CHD4: variants seen among roughly 807,000 people sequenced by gnomAD.
CHD4 encodes chromodomain helicase DNA binding protein 4.
Under a neutral mutation model 235.5 loss-of-function variants are expected in CHD4, and 35 were observed. The ratio of observed to expected loss-of-function variants is 0.15; its 90% CI spans 0.11 to 0.20. CHD4 has a LOEUF of 0.20. Among genes scored for constraint, CHD4 ranks in the 10% least tolerant of loss-of-function variants. The probability of loss-of-function intolerance (pLI) is 1.00; values close to 1 mark genes in which losing one functional copy is unlikely to be tolerated. For missense variants in CHD4, 1,329 were observed against 2,432.3 expected, an observed-to-expected ratio of 0.55 and a Z score of 9.54; for synonymous variants, 900 against 850.2, an observed-to-expected ratio of 1.06 and a Z score of -1.02.
intron 22 of CHD4, among the ~76,000 whole-genome samples, chr12:6,588,855 G>T (rs1235907809): frequency 1.3e-5 from 2 of 152,142 alleles, no homozygotes; most frequent in Non-Finnish European, 2.9e-5. Context: ...TGAGGCAGGA[G>T]AATCACTTGA....
intron 38 of CHD4, among the ~76,000 whole-genome samples, chr12:6,572,137 AG>A (rs1427881945): frequency 6.7e-6 from 1 of 149,000 alleles, no homozygotes; most frequent in Non-Finnish European, 1.5e-5. Context: ...CAAAAAAAAA[AG>A]GTGGCCAGGG....
chr12:6,602,181 G>C lies in CHD4; in HGVS notation c.223-6C>G. The C allele has an allele frequency of 6.2e-7, 1 of 1,613,840 alleles. No individual in the cohort carries two copies. Reference sequence around the variant, plus strand: ...TGCCGGCATAAGAGCATACGCTGGAGCAGGGCAAGGGGGGAAGAGGGAGAC... The same window carrying C: ...TGCCGGCATAAGAGCATACGCTGGACCAGGGCAAGGGGGGAAGAGGGAGAC... On this transcript the variant is annotated splice_polypyrimidine_tract_variant and splice_region_variant and intron_variant, in intron 3 of 39. Transcript: ENST00000544040.
intron 25 of CHD4, among the ~76,000 whole-genome samples, chr12:6,585,605 T>C (rs1313587916): frequency 6.7e-6 from 1 of 149,610 alleles, no homozygotes; most frequent in East Asian, 2.1e-4. Context: ...TAAAAAAACA[T>C]GGTGAAACCC....
chr12:6,587,618 AG>A (rs1948323043), intron 24 of CHD4, 59 bp from the exon 25 acceptor site: 2 of 1,608,550 alleles, frequency 1.2e-6, no homozygotes, highest in Non-Finnish European at 1.7e-6. Flanking sequence ...CAGTGGAAAA[AG>A]CAAGTCCCAC....
At chr12:6,578,724 A>G (rs2136197266) in intron 34 of CHD4, 122 bp downstream of exon 34, 1 of 1,346,148 alleles carries the variant, frequency 7.4e-7, no homozygotes, top group South Asian at 1.2e-5. Context: ...GGGGACAGGT[A>G]CAGTCTTTTA....
rs755253497 is a variant in CHD4, at chr12:6,597,959, C to T, written c.1827G>A (p.Glu609=). 8.7e-6 allele frequency: 14 copies of T among 1,614,086 alleles called. No homozygotes were observed. In the African/African-American group the frequency reaches 1.7e-4, roughly 20 times the overall value. The change falls in exon 12 of 40, where the codon GAG becomes GAA. Residue 609 remains glutamate (E), a synonymous_variant. Coordinates refer to ENST00000544040, the MANE Select transcript of CHD4 (RefSeq NM_001273.5). The part of the protein sequence containing the change: ...KNKDPKFAEM[E]ERFYRYGIKP... ...TTATCCCATAGCGATAGAAGCGTTC[C>T]TCCATCTCTGCAAATTTAGGGTCCT... is the stretch of plus-strand genomic sequence containing the variant.
intron 2 of CHD4, 45 bp downstream of exon 2, chr12:6,606,229 C>A: frequency 7.5e-7 from 1 of 1,326,274 alleles, no homozygotes; most frequent in Non-Finnish European, 1.1e-6. Context: ...TCGGGAGAGC[C>A]CCAGATGTCT....
Position 6,582,189 on chromosome 12 carries a change from G to A in CHD4, c.4463C>T (p.Ser1488Phe). The change falls in exon 30 of 40, where the codon TCT becomes TTT. Residue 1488 changes from serine (S) to phenylalanine (F), a missense_variant. By Grantham distance (155) the Ser-to-Phe change is radical. Transcript: ENST00000544040. Reference protein sequence around the residue: ...FADGVPREGLSRQHVLTRIGV... With the variant: ...FADGVPREGLFRQHVLTRIGV... ...AATTCTAGTAAGGACATGCTGGCGA[G>A]ACAGGCCTTCTCGGGGGACACCATC... is the stretch of plus-strand genomic sequence containing the variant. The A allele has an allele frequency of 6.2e-7, 1 of 1,602,824 alleles. No individual in the cohort carries two copies. The highest frequency in any genetic ancestry group is 8.5e-7 in the Non-Finnish European group (1 of 1,175,528).
intron 37 of CHD4, among the ~76,000 whole-genome samples, chr12:6,575,362 C>T (rs571012408): frequency 6.7e-6 from 1 of 148,916 alleles, no homozygotes. Flanking sequence ...GCAGGAGAAT[C>T]GGTTGAAGCC....
chr12:6,578,592 G>A lies in CHD4; in HGVS notation c.4982-46C>T, dbSNP rs549979787. 7.8e-5 allele frequency: 126 copies of A among 1,605,866 alleles called. No individual in the cohort carries two copies. The South Asian group carries it at 1.2e-3, about 15-fold the overall frequency. ...AAATGTCAGCTCCAGCCAAAGCCCAGCACCATCGCCCTTACCCAGAACACT... is the reference window on the plus strand; with the variant it reads ...AAATGTCAGCTCCAGCCAAAGCCCAACACCATCGCCCTTACCCAGAACACT... On this transcript the variant is annotated intron_variant, in intron 34 of 39. Transcript: ENST00000544040.
In CHD4 at chr12:6,574,678, G is replaced by A. The variant is rs183446903; in HGVS notation, c.5362-1409C>T. ...GTGTATGGTGATGGGGGTCGGTAGT[G>A]GGAGGGGTGCTGATTTGTGAGAAAT... On this transcript the variant is annotated intron_variant, in intron 37 of 39. Transcript: ENST00000544040. 3.0e-4 allele frequency among the ~76,000 whole-genome samples: 45 copies of A among 152,268 alleles called. No homozygotes were observed. In the Middle Eastern group the frequency reaches 0.014, roughly 46 times the overall value.
intron 2 of CHD4, 62 bp from the exon 3 acceptor site, chr12:6,602,559 T>C: frequency 6.3e-7 from 1 of 1,587,312 alleles, no homozygotes; most frequent in Non-Finnish European, 8.6e-7. Context: ...GGTTAGGCCC[T>C]AATCCAGAGG....
rs1191100400 is a variant in CHD4, at chr12:6,600,997, G to C, written c.856C>G (p.Pro286Ala). 6.2e-7 allele frequency: 1 copy of C among 1,607,664 alleles called. No homozygotes were observed. The highest frequency in any genetic ancestry group is 2.2e-5 in the East Asian group (1 of 44,830). ...GSPRVPDAKKPKPKKVAPLKI... is the reference protein window; with the variant it reads ...GSPRVPDAKKAKPKKVAPLKI... ...AGGGGAGCTACTTTCTTGGGTTTAG[G>C]CTTCTTGGCATCAGGTACACGAGGG... The change falls in exon 7 of 40, where the codon CCT (proline) becomes GCT (alanine). Residue 286 changes from proline to alanine, a missense_variant. By Grantham distance (27) the Pro-to-Ala change is conservative (BLOSUM62 -1). Around this residue, in one of 26 missense-constraint regions of CHD4, gnomAD observed 160 missense variants for 196.6 expected, o/e 0.81. Transcript: ENST00000544040.
chr12:6,575,426 G>A (rs1195841134), intron 37 of CHD4, among the ~76,000 whole-genome samples: 1 of 149,982 alleles, frequency 6.7e-6, no homozygotes, highest in African/African-American at 2.5e-5. Context: ...CTCCAGCCTG[G>A]GCAACTGAGT....
intron 18 of CHD4, 64 bp from the exon 19 acceptor site, chr12:6,592,630 G>C (rs1948420201): frequency 6.3e-7 from 1 of 1,587,006 alleles, no homozygotes; most frequent in Non-Finnish European, 8.6e-7. Context: ...AAGTGATACA[G>C]GAAATGGGCA....
In CHD4 at chr12:6,599,858, G is replaced by C; in HGVS notation, c.1397C>G (p.Thr466Ser). Residue 466 changes from threonine to serine, a missense_variant, in exon 10 of 40, where the codon ACC (threonine) becomes AGC (serine). By Grantham distance (58) the Thr-to-Ser change is moderately conservative. Around this residue, in one of 26 missense-constraint regions of CHD4, gnomAD observed 33 missense variants for 84.2 expected, o/e 0.39. Transcript: ENST00000544040. ...GTGGATGTGGTAGGAAGAAGGACAG[G>C]TATCACAGCAGAGCAGTTCCCCACC... ...KDGGELLCCD[T>S]CPSSYHIHCL... 6.2e-7 allele frequency: 1 copy of C among 1,614,204 alleles called. No homozygotes were observed. The highest frequency in any genetic ancestry group is 8.5e-7 in the Non-Finnish European group (1 of 1,180,036).
chr12:6,595,227 T>C, intron 14 of CHD4, 107 bp downstream of exon 14: 1 of 942,604 alleles, frequency 1.1e-6, no homozygotes, highest in Non-Finnish European at 1.6e-6. Flanking sequence ...TAATCTCAGC[T>C]ACAAAGTTAC....
At chr12:6,602,352 C>T (rs764087741) in intron 3 of CHD4, 24 bp downstream of exon 3, 30 of 1,611,932 alleles carry the variant, frequency 1.9e-5, no homozygotes, top group Non-Finnish European at 2.0e-5. Flanking sequence ...TCTGATTCCC[C>T]GTAACATTCA....
chr12:6,577,724 C>T (rs1948095885), intron 37 of CHD4, 61 bp downstream of exon 37: 1 of 1,601,104 alleles, frequency 6.2e-7, no homozygotes. Context: ...CCCTCTGCTG[C>T]AGGACGTTAC....
Sources: allele counts gnomAD v4.1 joint callset (sites outside exome capture counted in the v4.1 genomes callset), GRCh38; gene constraint gnomAD v4.1.1; regional missense constraint gnomAD v4.1.1; transcripts MANE v1.5; gene names NCBI Gene and HGNC (gene_info 2026-07-23, HGNC 2026-07-21).